LRP1B: variants seen among roughly 807,000 people sequenced by gnomAD.
LRP1B encodes the protein low-density lipoprotein receptor-related protein 1B.
In LRP1B, 217 loss-of-function variants were observed where a neutral mutation model predicts 556.6. That is an observed-to-expected ratio of 0.39 (90% CI 0.35 to 0.44). The LOEUF is 0.44. Ranked by LOEUF, LRP1B falls within the 20% of genes least tolerant of loss-of-function variation. The probability of loss-of-function intolerance (pLI) is 1.00; values close to 1 mark genes in which losing one functional copy is unlikely to be tolerated. For missense variants in LRP1B, 5,053 were observed against 5,620.8 expected, an observed-to-expected ratio of 0.90 and a Z score of 3.23; for synonymous variants, 2,047 against 1,865.8, an observed-to-expected ratio of 1.10 and a Z score of -2.50.
At chr2:141,541,345 G>A (rs902927505) in intron 2 of LRP1B, among the ~76,000 whole-genome samples, 1 of 152,000 alleles carries the variant, frequency 6.6e-6, no homozygotes, top group Non-Finnish European at 1.5e-5. Flanking sequence ...GAATAAGACA[G>A]ATGAAATTAT....
At chr2:141,384,562 C>G (rs1177286188) in intron 3 of LRP1B, among the ~76,000 whole-genome samples, 1 of 152,042 alleles carries the variant, frequency 6.6e-6, no homozygotes, top group Non-Finnish European at 1.5e-5. Context: ...GTGTGAGACA[C>G]CCATGGGAAG....
intron 31 of LRP1B, among the ~76,000 whole-genome samples, chr2:140,839,337 G>A (rs1692023248): frequency 6.6e-6 from 1 of 152,284 alleles, no homozygotes; most frequent in Non-Finnish European, 1.5e-5. Flanking sequence ...TGTTTGGATT[G>A]CAGGATGCAA....
chr2:141,479,717 T>C (rs1419378174), intron 3 of LRP1B, among the ~76,000 whole-genome samples: 1 of 152,182 alleles, frequency 6.6e-6, no homozygotes, highest in East Asian at 1.9e-4. Context: ...CTTGACTGTT[T>C]TCTTCTGCTC....
chr2:140,723,848 A>G (rs1254128058), intron 35 of LRP1B, among the ~76,000 whole-genome samples: 1 of 152,196 alleles, frequency 6.6e-6, no homozygotes, highest in African/African-American at 2.4e-5. Context: ...TAGCACCACA[A>G]TTTATTAAAG....
intron 41 of LRP1B, among the ~76,000 whole-genome samples, chr2:140,697,371 A>C (rs1382692022): frequency 6.6e-6 from 1 of 152,116 alleles, no homozygotes; most frequent in Non-Finnish European, 1.5e-5. Flanking sequence ...GAGTGATCTC[A>C]TGAAATATAA....
Position 141,285,882 on chromosome 2 carries a change from C to T in LRP1B, c.344-31241G>A, listed in dbSNP as rs1163747187. 6.0e-5 allele frequency among the ~76,000 whole-genome samples: 9 copies of T among 149,448 alleles called. No homozygotes were observed. In the East Asian group the frequency reaches 1.0e-3, roughly 17 times the overall value. On this transcript the variant is annotated intron_variant, in intron 3 of 90. Transcript: ENST00000389484. ...GAGATCGAGACCATCCCGGCTACAA[C>T]GGTGAAACCCCGTCTCTACTAAAAA...
chr2:141,888,657 A>G (rs896284080), intron 1 of LRP1B, among the ~76,000 whole-genome samples: 1 of 152,226 alleles, frequency 6.6e-6, no homozygotes, highest in Non-Finnish European at 1.5e-5. Flanking sequence ...AGCATATTCA[A>G]GAATATGGAG....
intron 81 of LRP1B, among the ~76,000 whole-genome samples, chr2:140,323,043 ATCTGTT>A (rs1453292874): frequency 2.0e-5 from 3 of 152,018 alleles, no homozygotes; most frequent in African/African-American, 7.2e-5. Flanking sequence ...ATTTGGTTTT[ATCTGTT>A]GTGAGAAGTG....
intron 66 of LRP1B, among the ~76,000 whole-genome samples, chr2:140,415,388 C>A (rs1201281654): frequency 6.6e-6 from 1 of 152,102 alleles, no homozygotes; most frequent in African/African-American, 2.4e-5. Flanking sequence ...ATCTTTGTAC[C>A]TACTCCCTGT....
intron 86 of LRP1B, among the ~76,000 whole-genome samples, chr2:140,266,195 ACTT>A (rs796868234): frequency 1.1e-4 from 17 of 151,518 alleles, no homozygotes; most frequent in African/African-American, 2.9e-4. Flanking sequence ...ATTTTTCTCT[ACTT>A]CTTCTCCTTT....
intron 2 of LRP1B, among the ~76,000 whole-genome samples, chr2:141,692,762 C>T (rs904661084): frequency 6.6e-6 from 1 of 151,974 alleles, no homozygotes; most frequent in African/African-American, 2.4e-5. Context: ...ATGGTGCAGC[C>T]TGATGCTCCT....
chr2:140,551,262 C>T (rs1288584938), intron 43 of LRP1B, among the ~76,000 whole-genome samples: 1 of 152,116 alleles, frequency 6.6e-6, no homozygotes, highest in Non-Finnish European at 1.5e-5. Context: ...AGATTGCTTG[C>T]TATGAGAGTG....
At chr2:140,465,782 C>T (rs148512871) in intron 60 of LRP1B, among the ~76,000 whole-genome samples, 1 of 149,854 alleles carries the variant, frequency 6.7e-6, no homozygotes, top group East Asian at 2.0e-4. Context: ...ATTCAAGGGA[C>T]AAAACTGAAA....
intron 3 of LRP1B, among the ~76,000 whole-genome samples, chr2:141,329,659 A>AAACAAAACAAAC (rs2105489285): frequency 1.2e-5 from 1 of 80,534 alleles, no homozygotes; most frequent in African/African-American, 4.1e-5. Flanking sequence ...AAAAAAAAAA[A>AAACAAAACAAAC]AAAAAACTAT....
At chr2:141,400,426 T>G (rs542526404) in intron 3 of LRP1B, among the ~76,000 whole-genome samples, 1 of 152,348 alleles carries the variant, frequency 6.6e-6, no homozygotes, top group Admixed American at 6.5e-5. Flanking sequence ...GTATTCAATG[T>G]AGACATTTTT....
chr2:140,285,237 A>G (rs2104974235), intron 84 of LRP1B, among the ~76,000 whole-genome samples: 1 of 151,002 alleles, frequency 6.6e-6, no homozygotes, highest in South Asian at 2.1e-4. Context: ...AGGTATATGT[A>G]TCTACACATA....
At chr2:141,423,305 T>G (rs1213136756) in intron 3 of LRP1B, among the ~76,000 whole-genome samples, 2 of 123,304 alleles carry the variant, frequency 1.6e-5, no homozygotes, top group East Asian at 3.0e-4. Flanking sequence ...TTTTTTTTTT[T>G]TTTTTTTTTT....
intron 1 of LRP1B, among the ~76,000 whole-genome samples, chr2:142,056,544 A>G (rs919272313): frequency 6.6e-6 from 1 of 152,138 alleles, no homozygotes; most frequent in African/African-American, 2.4e-5. Context: ...ATGTAATACA[A>G]AGACATATAA....
At chr2:140,608,576 T>G (rs1041636869) in intron 41 of LRP1B, among the ~76,000 whole-genome samples, 1 of 152,236 alleles carries the variant, frequency 6.6e-6, no homozygotes, top group African/African-American at 2.4e-5. Flanking sequence ...CAAACATGTT[T>G]GCAGAGATGC....
Sources: gnomAD v4.1 joint callset for allele counts (sites outside exome capture counted in the v4.1 genomes callset) on GRCh38, gnomAD v4.1.1 for gene constraint, MANE v1.5 for transcripts, NCBI Gene and HGNC (gene_info 2026-07-23, HGNC 2026-07-21) for gene names.